PRKAG2: variants seen among roughly 807,000 people sequenced by gnomAD.
The protein encoded by PRKAG2 is 5'-AMP-activated protein kinase subunit gamma-2.
In PRKAG2, 26 loss-of-function variants were observed where a neutral mutation model predicts 69.6. The ratio of observed to expected loss-of-function variants is 0.37; its 90% CI spans 0.27 to 0.52. The LOEUF (loss-of-function observed/expected upper bound fraction) is 0.52. Among genes scored for constraint, PRKAG2 ranks in the 20% least tolerant of loss-of-function variants. PRKAG2 has a pLI of 0.90. For synonymous variants in PRKAG2, 293 were observed against 285.0 expected, an observed-to-expected ratio of 1.03 and a Z score of -0.28; for missense variants, 557 against 740.0, an observed-to-expected ratio of 0.75 and a Z score of 2.87.
At position 151,777,800 on chromosome 7, in the gene PRKAG2, T is replaced by G. The variant is rs1455122527; in HGVS notation, c.466+3352A>C. On this transcript the variant is annotated intron_variant, in intron 3 of 15. Transcript: ENST00000287878. This position sits in a 1 kb window ranked among gnomAD's most constrained non-coding sequence, Gnocchi z 4.3. ...ATAATAGTACCTCCCTGAAACCAAC[T>G]GTTCCTTGCTCAGGGACTGAAAACC... Among the ~76,000 whole-genome samples the G allele has an allele frequency of 6.6e-6, 1 of 152,200 alleles. No homozygotes were observed. Among genetic ancestry groups the G allele is most frequent in the African/African-American group, 2.4e-5 (1 of 41,444 alleles).
intron 1 of PRKAG2, among the ~76,000 whole-genome samples, chr7:151,847,949 C>T (rs1273621404): frequency 6.6e-6 from 1 of 152,212 alleles, no homozygotes; most frequent in Non-Finnish European, 1.5e-5. Context: ...AACATTTACA[C>T]CACAGCAGTC....
At chr7:151,818,076 C>G (rs934376779) in intron 1 of PRKAG2, among the ~76,000 whole-genome samples, 3 of 152,132 alleles carry the variant, frequency 2.0e-5, no homozygotes, top group Non-Finnish European at 4.4e-5. Flanking sequence ...GATCAGGTAC[C>G]ACCTGAGTGT....
intron 5 of PRKAG2, among the ~76,000 whole-genome samples, chr7:151,627,238 T>G (rs1267597436): frequency 1.3e-5 from 2 of 152,186 alleles, no homozygotes; most frequent in Non-Finnish European, 2.9e-5. Context: ...GATGCCTCAC[T>G]GAAAGACAAT....
intron 3 of PRKAG2, among the ~76,000 whole-genome samples, chr7:151,774,426 C>T (rs974815108): frequency 3.3e-5 from 5 of 152,182 alleles, no homozygotes; most frequent in African/African-American, 1.2e-4. Flanking sequence ...GATTGAATTA[C>T]CTCTTTTTCC....
chr7:151,801,815 A>G (rs902118435), intron 1 of PRKAG2, among the ~76,000 whole-genome samples: 13 of 152,334 alleles, frequency 8.5e-5, no homozygotes, highest in Middle Eastern at 3.4e-3. Flanking sequence ...AGTCAGGTAC[A>G]AAAAACAGGG....
chr7:151,833,967 C>T (rs528012461), intron 1 of PRKAG2, among the ~76,000 whole-genome samples: 28 of 152,308 alleles, frequency 1.8e-4, no homozygotes, highest in South Asian at 6.2e-4. Flanking sequence ...GGAGAAGGCC[C>T]GGCCCATGGC....
chr7:151,788,436 G>A lies in PRKAG2; in HGVS notation c.115-1895C>T, dbSNP rs1258330816. On this transcript the variant is annotated intron_variant, in intron 1 of 15. Coordinates refer to ENST00000287878, the MANE Select transcript of PRKAG2 (RefSeq NM_016203.4). This position sits in a 1 kb window ranked among gnomAD's most constrained non-coding sequence, Gnocchi z 4.6. ...AAATGTCTATTCAGGCCATTTGTCT[G>A]ACTTGTTTGGAGAAATGTCCATTCA... Among the ~76,000 whole-genome samples the A allele has an allele frequency of 6.6e-6, 1 of 152,178 alleles. No homozygotes were observed. Among genetic ancestry groups the A allele is most frequent in the Admixed American group, 6.5e-5 (1 of 15,282 alleles).
chr7:151,637,683 T>A (rs895178820), intron 4 of PRKAG2, among the ~76,000 whole-genome samples: 1 of 151,374 alleles, frequency 6.6e-6, no homozygotes, highest in African/African-American at 2.4e-5. Flanking sequence ...AGGCTACTCA[T>A]GGAACAACAG....
chr7:151,724,574 T>G (rs1316791810), intron 3 of PRKAG2, among the ~76,000 whole-genome samples: 1 of 152,126 alleles, frequency 6.6e-6, no homozygotes. Context: ...CTCACTTGTC[T>G]CCAGGTCCCG....
intron 3 of PRKAG2, among the ~76,000 whole-genome samples, chr7:151,745,605 AC>A (rs1431683345): frequency 6.6e-6 from 1 of 152,032 alleles, no homozygotes; most frequent in Non-Finnish European, 1.5e-5. Flanking sequence ...GAGACAAACC[AC>A]CTCAGCTCAC....
chr7:151,560,493 C>A, intron 15 of PRKAG2, 31 bp downstream of exon 15: 1 of 1,613,890 alleles, frequency 6.2e-7, no homozygotes. Context: ...TCCTAGACGC[C>A]GATGGCAAAG....
chr7:151,814,912 G>A lies in PRKAG2; in HGVS notation c.115-28371C>T, dbSNP rs1042474680. On this transcript the variant is annotated intron_variant, in intron 1 of 15. Transcript: ENST00000287878. This position sits in a 1 kb window ranked among gnomAD's most constrained non-coding sequence, Gnocchi z 4.8. ...AGCCAGCAGGAGGGAGGGCTGGACC[G>A]GAGCTTTTAAAAAGACAGGCAGCAG... 9.0e-6 allele frequency: 11 copies of A among 1,223,790 alleles called. No homozygotes were observed. The highest frequency in any genetic ancestry group is 6.3e-5 in the East Asian group (2 of 31,660). The allele number at this position is 1,223,790 out of a possible 1,614,324, so 75.8% of individuals were successfully genotyped here. A position where few individuals can be genotyped will look rare whatever the true frequency, so the allele number is the denominator to read the frequency against.
chr7:151,744,898 C>T (rs1284890598), intron 3 of PRKAG2, among the ~76,000 whole-genome samples: 1 of 152,182 alleles, frequency 6.6e-6, no homozygotes, highest in Non-Finnish European at 1.5e-5. Context: ...CAGTTTCCTA[C>T]ATTCTTCTCA....
intron 3 of PRKAG2, among the ~76,000 whole-genome samples, chr7:151,684,245 C>T (rs1834331433): frequency 6.6e-6 from 1 of 152,170 alleles, no homozygotes; most frequent in Admixed American, 6.5e-5. Flanking sequence ...GAAACCCTGC[C>T]CACACCCCTG....
intron 1 of PRKAG2, among the ~76,000 whole-genome samples, chr7:151,805,949 A>G (rs554570579): frequency 3.9e-5 from 6 of 152,378 alleles, no homozygotes; most frequent in African/African-American, 1.2e-4. Flanking sequence ...CTATAGTCCA[A>G]GCATTTTGGG....
In PRKAG2 at chr7:151,830,118, GT is replaced by G. The variant is rs112012814; in HGVS notation, c.115-43578del. 3.4e-3 allele frequency among the ~76,000 whole-genome samples: 483 copies of G among 141,718 alleles called. 1 individual carries two copies. Among genetic ancestry groups the G allele is most frequent in the South Asian group, 0.018 (79 of 4,510 alleles). 93.0% of individuals were successfully genotyped at this position (141,718 alleles called of 152,430 possible). A position where few individuals can be genotyped will look rare whatever the true frequency, so the allele number is the denominator to read the frequency against. Reference sequence around the variant, plus strand: ...CCAATGTCGAGGACTGTTCCACCTGGTTTTTTTTTTTTTTTTTTACCATGCT... The same window carrying G: ...CCAATGTCGAGGACTGTTCCACCTGGTTTTTTTTTTTTTTTTTACCATGCT... On this transcript the variant is annotated intron_variant, in intron 1 of 15. Coordinates refer to ENST00000287878, the MANE Select transcript of PRKAG2 (RefSeq NM_016203.4).
At chr7:151,669,412 C>G (rs1268705089) in intron 4 of PRKAG2, among the ~76,000 whole-genome samples, 1 of 152,220 alleles carries the variant, frequency 6.6e-6, no homozygotes, top group Non-Finnish European at 1.5e-5. Flanking sequence ...ACTCAACACT[C>G]TTAGTATGTG....
intron 3 of PRKAG2, among the ~76,000 whole-genome samples, chr7:151,766,506 G>A (rs759137581): frequency 2.6e-5 from 4 of 152,344 alleles, no homozygotes; most frequent in South Asian, 2.1e-4. Context: ...CGCCCAGATC[G>A]TGGATAAGTC....
chr7:151,802,742 T>C (rs2077903697), intron 1 of PRKAG2, among the ~76,000 whole-genome samples: 1 of 152,018 alleles, frequency 6.6e-6, no homozygotes, highest in Admixed American at 6.6e-5. Context: ...TGGCATTCAG[T>C]GCACCCCAGG....
Sources: allele counts gnomAD v4.1 joint callset (sites outside exome capture counted in the v4.1 genomes callset), GRCh38; gene constraint gnomAD v4.1.1; non-coding constraint Gnocchi (gnomAD v3.1); transcripts MANE v1.5; gene names NCBI Gene and HGNC (gene_info 2026-07-23, HGNC 2026-07-21).